Variants in TBPL1 observed in about 807,000 individuals in gnomAD.
The protein encoded by TBPL1 is TATA-box binding protein like 1, also known as TATA box-binding protein-like 1.
In TBPL1, 4 loss-of-function variants were observed where a neutral mutation model predicts 22.1. The ratio of observed to expected loss-of-function variants is 0.18; its 90% CI spans 0.09 to 0.41. The LOEUF (loss-of-function observed/expected upper bound fraction) is 0.41. Ranked by LOEUF, TBPL1 falls within the 10% of genes least tolerant of loss-of-function variation. The probability of loss-of-function intolerance (pLI) is 1.00; values close to 1 mark genes in which losing one functional copy is unlikely to be tolerated. For missense variants in TBPL1, 115 were observed against 222.3 expected, an observed-to-expected ratio of 0.52 and a Z score of 3.07; for synonymous variants, 64 against 71.0, an observed-to-expected ratio of 0.90 and a Z score of 0.50.
At chr6:133,953,927 C>T (rs1255058131) in intron 1 of TBPL1, among the ~76,000 whole-genome samples, 2 of 152,146 alleles carry the variant, frequency 1.3e-5, no homozygotes, top group Non-Finnish European at 2.9e-5. Flanking sequence ...GCAATGCCGG[C>T]AGCCTCGCTT....
chr6:133,976,909 C>G (rs764026569), intron 1 of TBPL1, among the ~76,000 whole-genome samples: 2 of 149,288 alleles, frequency 1.3e-5, no homozygotes, highest in Non-Finnish European at 3.0e-5. Context: ...CGGAGGTTGC[C>G]GTGAGCCAAG....
intron 1 of TBPL1, among the ~76,000 whole-genome samples, chr6:133,965,841 A>G (rs1776108874): frequency 6.6e-6 from 1 of 152,232 alleles, no homozygotes; most frequent in South Asian, 2.1e-4. Flanking sequence ...TAATAGTAAC[A>G]ATAAGAACAG....
At chr6:133,963,622 A>G (rs1237931966) in intron 1 of TBPL1, among the ~76,000 whole-genome samples, 2 of 152,094 alleles carry the variant, frequency 1.3e-5, no homozygotes, top group African/African-American at 2.4e-5. Context: ...GAGTCTCACC[A>G]TGTTGCTCAG....
intron 1 of TBPL1, among the ~76,000 whole-genome samples, chr6:133,974,337 A>G (rs1776276005): frequency 6.6e-6 from 1 of 152,100 alleles, no homozygotes; most frequent in African/African-American, 2.4e-5. Context: ...TGGTCAGTTC[A>G]GTTATTTCTT....
At chr6:133,965,785 T>A (rs780541435) in intron 1 of TBPL1, among the ~76,000 whole-genome samples, 1 of 152,182 alleles carries the variant, frequency 6.6e-6, no homozygotes, top group African/African-American at 2.4e-5. Context: ...AGAAATCCTT[T>A]CCATTTTTGA....
In TBPL1 at chr6:133,980,210, A is replaced by C. The variant is rs1211146520; in HGVS notation, c.85A>C (p.Arg29=). The C allele has an allele frequency of 1.2e-6, 2 of 1,610,550 alleles. No individual in the cohort carries two copies. Among genetic ancestry groups the C allele is most frequent in the South Asian group, 1.1e-5 (1 of 90,158 alleles). Residue 29 remains arginine (R), a synonymous_variant, in exon 2 of 7, where the codon AGG becomes CGG. Coordinates refer to ENST00000237264, the MANE Select transcript of TBPL1 (RefSeq NM_004865.4). ...TAGAACAAGATGTCATTTAAACTTAAGGAAGATTGCTTTGGAAGGAGCAAA... is the reference window on the plus strand; with the variant it reads ...TAGAACAAGATGTCATTTAAACTTACGGAAGATTGCTTTGGAAGGAGCAAA... ...VFRTRCHLNL[R]KIALEGANVI...
At chr6:133,953,138 T>C (rs1277549234), upstream of TBPL1, 8 of 152,436 alleles carry the variant, frequency 5.2e-5, no homozygotes, top group South Asian at 2.1e-4. Context: ...AGGAGCGCCC[T>C]GTCCGGCGGC....
intron 1 of TBPL1, among the ~76,000 whole-genome samples, chr6:133,968,134 G>A (rs1364624455): frequency 1.3e-5 from 2 of 151,760 alleles, no homozygotes; most frequent in South Asian, 2.1e-4. Context: ...GACTACAGGC[G>A]CGTGCCACCA....
intron 1 of TBPL1, among the ~76,000 whole-genome samples, chr6:133,967,591 C>T (rs867522850): frequency 5.9e-5 from 9 of 152,284 alleles, no homozygotes; most frequent in Middle Eastern, 6.8e-3. Context: ...GTAGTATAGC[C>T]TATTGCTTGT....
intron 1 of TBPL1, among the ~76,000 whole-genome samples, chr6:133,964,285 A>T (rs1401503827): frequency 6.6e-6 from 1 of 152,164 alleles, no homozygotes; most frequent in Non-Finnish European, 1.5e-5. Context: ...AGTTACTCAG[A>T]TCTGACAAGC....
chr6:133,979,470 C>T (rs1776370767), intron 1 of TBPL1, among the ~76,000 whole-genome samples: 1 of 152,136 alleles, frequency 6.6e-6, no homozygotes, highest in Non-Finnish European at 1.5e-5. Context: ...TACTGTGGTA[C>T]ACCTGGAACG....
chr6:133,972,110 ATCTCAATGTATT>A (rs1219090731), intron 1 of TBPL1, among the ~76,000 whole-genome samples: 2 of 152,204 alleles, frequency 1.3e-5, no homozygotes, highest in East Asian at 3.8e-4. Flanking sequence ...CTGAAATTGT[ATCTCAATGTATT>A]TGTTACTGAG....
chr6:133,980,062 T>C lies in TBPL1; in HGVS notation c.-44-20T>C, dbSNP rs974381539. ...TAACAACATTTAAGTTTAATGACTTTATTTTGTTTTATTTCTCAGGATGTG... is the reference window on the plus strand; with the variant it reads ...TAACAACATTTAAGTTTAATGACTTCATTTTGTTTTATTTCTCAGGATGTG... On this transcript the variant is annotated intron_variant, in intron 1 of 6. Transcript: ENST00000237264. 1.2e-5 allele frequency: 16 copies of C among 1,384,254 alleles called. No individual in the cohort carries two copies. The highest frequency in any genetic ancestry group is 3.9e-4 in the Middle Eastern group (2 of 5,094). The allele number at this position is 1,384,254 out of a possible 1,614,324, so 85.7% of individuals were successfully genotyped here.
chr6:133,959,380 A>C (rs1419804310), intron 1 of TBPL1, among the ~76,000 whole-genome samples: 1 of 152,138 alleles, frequency 6.6e-6, no homozygotes, highest in African/African-American at 2.4e-5. Context: ...ACAGGTTGCC[A>C]TGGTATCAGT....
Position 133,957,147 on chromosome 6 carries a change from T to C in TBPL1, c.-45+3722T>C, listed in dbSNP as rs181613408. On this transcript the variant is annotated intron_variant, in intron 1 of 6. Coordinates refer to ENST00000237264, the MANE Select transcript of TBPL1 (RefSeq NM_004865.4). Reference sequence around the variant, plus strand: ...GCTGGTTTTGTGGGTTGAAGCATGCTATGGATCCCATTAAATGTTTTTAAA... The same window carrying C: ...GCTGGTTTTGTGGGTTGAAGCATGCCATGGATCCCATTAAATGTTTTTAAA... 1.1e-3 allele frequency among the ~76,000 whole-genome samples: 167 copies of C among 152,292 alleles called. No individual in the cohort carries two copies. In the Middle Eastern group the frequency reaches 0.014, roughly 12 times the overall value.
rs35593492 is a variant in TBPL1 at position 133,971,146 on chromosome 6, CT to C, written c.-44-8922del. Among the ~76,000 whole-genome samples, 1,443 of 145,164 alleles carry C rather than the reference CT, an allele frequency of 9.9e-3. 21 individuals carry two copies. Among genetic ancestry groups the C allele is most frequent in the African/African-American group, 0.025 (981 of 39,922 alleles). ...TCTTCTTTCTGCTTCGATGATAACA[CT>C]TTTTTTTTTTTTTAAGATTCCACAT... On this transcript the variant is annotated intron_variant, in intron 1 of 6. Transcript: ENST00000237264.
chr6:133,983,997 T>TA (rs1269599175), intron 4 of TBPL1, among the ~76,000 whole-genome samples: 2 of 152,306 alleles, frequency 1.3e-5, no homozygotes, highest in Admixed American at 6.5e-5. Flanking sequence ...TTACTGACTT[T>TA]AAAGTGACAT....
intron 1 of TBPL1, among the ~76,000 whole-genome samples, chr6:133,961,039 A>T (rs144754376): frequency 6.6e-6 from 1 of 152,362 alleles, no homozygotes; most frequent in East Asian, 1.9e-4. Context: ...TGTTAGGTGT[A>T]GGAGCACTAA....
At chr6:133,966,520 C>G (rs1459357881) in intron 1 of TBPL1, among the ~76,000 whole-genome samples, 1 of 152,158 alleles carries the variant, frequency 6.6e-6, no homozygotes, top group African/African-American at 2.4e-5. Flanking sequence ...TAACCTAGAC[C>G]TGTCCTGAGC....
Sources: allele counts gnomAD v4.1 joint callset (sites outside exome capture counted in the v4.1 genomes callset), GRCh38; gene constraint gnomAD v4.1.1; transcripts MANE v1.5; gene names NCBI Gene and HGNC (gene_info 2026-07-23, HGNC 2026-07-21).